The following VWDE variants were observed in gnomAD, a reference collection of about 807,000 sequenced individuals.
VWDE encodes the protein von Willebrand factor D and EGF domain-containing protein.
VWDE carries 207 observed loss-of-function variants against 178.4 expected under a neutral mutation model. That is an observed-to-expected ratio of 1.16 (90% CI 1.04 to 1.30). The LOEUF (loss-of-function observed/expected upper bound fraction) is 1.30, where lower values mean the gene tolerates loss of function less well. Ranked by LOEUF, VWDE falls within the 50% of genes most tolerant of loss-of-function variation. VWDE has a pLI of 0.00. For missense variants in VWDE, 2,287 were observed against 1,901.3 expected, an observed-to-expected ratio of 1.20 and a Z score of -3.77; for synonymous variants, 738 against 651.4, an observed-to-expected ratio of 1.13 and a Z score of -2.02.
Position 12,370,420 on chromosome 7 carries a change from G to A in VWDE, c.1886C>T (p.Thr629Ile). 1 of 1,546,446 alleles carries A rather than the reference G, an allele frequency of 6.5e-7. No homozygotes were observed. The highest frequency in any genetic ancestry group is 8.7e-7 in the Non-Finnish European group (1 of 1,146,784). ...KPSYCSCSLD[T>I]AAYPSSEDLD... is the part of the protein sequence containing the mutation. ...ATCTTCGGAAGACGGATACGCTGCAGTGTCCAATGAACAGCTACAATAGGA... is the reference window on the plus strand; with the variant it reads ...ATCTTCGGAAGACGGATACGCTGCAATGTCCAATGAACAGCTACAATAGGA... Residue 629 changes from threonine to isoleucine, a missense_variant, in exon 12 of 29, where the codon ACT (threonine) becomes ATT (isoleucine). Physicochemically the swap from Thr to Ile is moderately conservative, Grantham distance 89 (BLOSUM62 -1). Coordinates refer to ENST00000275358, the MANE Select transcript of VWDE (RefSeq NM_001135924.3).
At chr7:12,373,725 T>C (rs1166508594) in intron 9 of VWDE, among the ~76,000 whole-genome samples, 1 of 152,002 alleles carries the variant, frequency 6.6e-6, no homozygotes, top group Non-Finnish European at 1.5e-5. Flanking sequence ...GGGTAGAGAG[T>C]GTTTGTTTTG....
rs868630371 is a variant in VWDE at position 12,356,293 on chromosome 7, G to T, written c.3563C>A (p.Ser1188Ter). 1 of 1,551,264 alleles carries T rather than the reference G, an allele frequency of 6.4e-7. No homozygotes were observed. The highest frequency in any genetic ancestry group is 2.0e-5 in the Admixed American group (1 of 50,976). The change falls in exon 18 of 29, where the codon TCA (serine) becomes TAA (stop). Residue 1188 changes from serine (S) to a stop codon, truncating the protein, a stop_gained. Coordinates refer to ENST00000275358, the MANE Select transcript of VWDE (RefSeq NM_001135924.3). LOFTEE classifies it high-confidence loss of function. ...VKSCDCLNGG[S>*]CVSDRNFSPG... ...AGAAAAGTTCCTATCAGATACACAT[G>T]ATCCACCATTCAAGCAATCACAAGA... is the stretch of plus-strand genomic sequence containing the variant.
chr7:12,356,319 C>A lies in VWDE; in HGVS notation c.3537G>T (p.Lys1179Asn). 6.4e-7 allele frequency: 1 copy of A among 1,551,106 alleles called. No individual in the cohort carries two copies. The highest frequency in any genetic ancestry group is 8.7e-7 in the Non-Finnish European group (1 of 1,146,800). ...ATCCACCATTCAAGCAATCACAAGA[C>A]TTCACAGTCACCTACAAAACAAAAA... ...ETRVTIEVTV[K>N]SCDCLNGGSC... The change falls in exon 18 of 29, where the codon AAG becomes AAT. Residue 1179 changes from lysine to asparagine, a missense_variant. By Grantham distance (94) the Lys-to-Asn change is moderately conservative. Transcript: ENST00000275358.
rs1489051509 is a variant in VWDE, at chr7:12,342,107, C to G, written c.4222G>C (p.Asp1408His). 7.1e-6 allele frequency: 11 copies of G among 1,551,412 alleles called. No individual in the cohort carries two copies. The highest frequency in any genetic ancestry group is 1.7e-6 in the Non-Finnish European group (2 of 1,146,906). ...CAGCCAGGTTTGCACTGGCAAATATCTGGTGTAAGACACTGGCCTCCATTT... is the reference window on the plus strand; with the variant it reads ...CAGCCAGGTTTGCACTGGCAAATATGTGGTGTAAGACACTGGCCTCCATTT... ...CENGGQCLTP[D>H]ICQCKPGWYG... The change falls in exon 23 of 29, where the codon GAT becomes CAT. Residue 1408 changes from aspartate (D) to histidine (H), a missense_variant. Asp to His is a moderately conservative substitution (Grantham distance 81). Transcript: ENST00000275358.
chr7:12,354,144 C>G, intron 18 of VWDE: 1 of 225,240 alleles, frequency 4.4e-6, no homozygotes, highest in Non-Finnish European at 8.8e-6. Context: ...TCTGTAATTA[C>G]TAGTCATATT....
intron 2 of VWDE, among the ~76,000 whole-genome samples, chr7:12,391,267 T>TA (rs1346691897): frequency 6.6e-6 from 1 of 152,220 alleles, no homozygotes; most frequent in African/African-American, 2.4e-5. Flanking sequence ...ATGTAATGCA[T>TA]AAGCATTATT....
intron 19 of VWDE, among the ~76,000 whole-genome samples, chr7:12,349,899 G>A (rs1362414043): frequency 6.6e-6 from 1 of 151,880 alleles, no homozygotes; most frequent in African/African-American, 2.4e-5. Context: ...TTGTATACAA[G>A]AATTTGAAAT....
Position 12,370,056 on chromosome 7 carries a change from C to T in VWDE, c.2250G>A (p.Trp750Ter). The change falls in exon 12 of 29, where the codon TGG becomes TGA. Residue 750 changes from tryptophan to a stop codon, truncating the protein, a stop_gained. Transcript: ENST00000275358. LOFTEE classifies it high-confidence loss of function. ...GAAACTCATGAAAGTTCTGCCGTTT[C>T]CATCTGTTTTGTCGATTGTACCTCA... ...QEMRYNRQNRWKRQNFHEFPP... is the reference protein window; with the variant it reads ...QEMRYNRQNR 6.4e-7 allele frequency: 1 copy of T among 1,551,532 alleles called. No individual in the cohort carries two copies. Among genetic ancestry groups the T allele is most frequent in the Non-Finnish European group, 8.7e-7 (1 of 1,146,900 alleles).
intron 18 of VWDE, among the ~76,000 whole-genome samples, chr7:12,352,033 G>A (rs998043656): frequency 2.0e-5 from 3 of 152,118 alleles, no homozygotes; most frequent in Non-Finnish European, 2.9e-5. Context: ...AAAACAGGAA[G>A]AGATACCACA....
intron 22 of VWDE, 38 bp downstream of exon 22, chr7:12,343,045 A>C (rs375861928): frequency 4.8e-6 from 7 of 1,444,894 alleles, no homozygotes; most frequent in Non-Finnish European, 6.6e-6. Context: ...TCAAAGAAGC[A>C]GTTTCATTAT....
At chr7:12,376,083 T>C (rs951806501) in intron 7 of VWDE, among the ~76,000 whole-genome samples, 15 of 152,112 alleles carry the variant, frequency 9.9e-5, no homozygotes, top group African/African-American at 3.6e-4. Context: ...TAATCAGATA[T>C]AGGCATACTG....
chr7:12,351,155 G>A (rs552624050), intron 19 of VWDE, among the ~76,000 whole-genome samples: 1 of 152,236 alleles, frequency 6.6e-6, no homozygotes, highest in East Asian at 1.9e-4. Flanking sequence ...ACTTTATGAA[G>A]ACAATCACAG....
chr7:12,388,746 A>G (rs979337799), intron 3 of VWDE: 2 of 340,472 alleles, frequency 5.9e-6, no homozygotes, highest in Admixed American at 8.1e-5. Context: ...CATTCAATAA[A>G]TATTGGTGAA....
intron 27 of VWDE, among the ~76,000 whole-genome samples, chr7:12,335,684 T>C (rs1265652594): frequency 6.6e-6 from 1 of 152,194 alleles, no homozygotes; most frequent in Non-Finnish European, 1.5e-5. Context: ...CTCGATCTCC[T>C]GACCTGGTGA....
rs983522492 is a variant in VWDE at position 12,344,468 on chromosome 7, G to A, written c.3888C>T (p.Thr1296=). ...TTTTTCCACATGGATATTTACAAAT[G>A]GCTAAAAAAAAATCAAAGAAAAAAA... is the stretch of plus-strand genomic sequence containing the variant. ...HVKPTSGNAF[T]ICKYPCGKSR... is the part of the protein sequence containing the mutation. The change falls in exon 20 of 29, where the codon ACC becomes ACT. Residue 1296 remains threonine, a splice_region_variant and synonymous_variant. Coordinates refer to ENST00000275358, the MANE Select transcript of VWDE (RefSeq NM_001135924.3). 10 of 1,543,866 alleles carry A rather than the reference G, an allele frequency of 6.5e-6. No homozygotes were observed. Among genetic ancestry groups the A allele is most frequent in the Admixed American group, 2.0e-5 (1 of 49,608 alleles).
chr7:12,399,115 C>T (rs1784760358), intron 1 of VWDE, among the ~76,000 whole-genome samples: 1 of 151,982 alleles, frequency 6.6e-6, no homozygotes, highest in Non-Finnish European at 1.5e-5. Flanking sequence ...GGTTGAAAAG[C>T]AAGGGAAAAT....
intron 27 of VWDE, among the ~76,000 whole-genome samples, chr7:12,334,379 G>A (rs765861166): frequency 3.9e-5 from 6 of 152,022 alleles, no homozygotes; most frequent in Non-Finnish European, 7.4e-5. Context: ...GACAAATACT[G>A]CTTCAATATC....
rs1166531332 is a variant in VWDE, at chr7:12,359,659, C to T, written c.3193G>A (p.Val1065Ile). The T allele has an allele frequency of 3.2e-6, 5 of 1,549,548 alleles. No individual in the cohort carries two copies. Among genetic ancestry groups the T allele is most frequent in the African/African-American group, 2.7e-5 (2 of 72,860 alleles). The stretch of plus-strand genomic sequence containing the variant: ...CTGGTTGGATTTTTGTCTCCTTCAA[C>T]ATAGCAGAGTCCATCAATAATGCAA... ...NVCIIDGLCY[V>I]EGDKNPTSPC... is the part of the protein sequence containing the mutation. Residue 1065 changes from valine (V) to isoleucine (I), a missense_variant, in exon 16 of 29, where the codon GTT becomes ATT. By Grantham distance (29) the Val-to-Ile change is conservative. Transcript: ENST00000275358.
Position 12,389,214 on chromosome 7 carries a change from G to C in VWDE, c.388C>G (p.Gln130Glu), listed in dbSNP as rs948474538. ...CAGTTTCTTACAGACACTGGGATTTGAAAGAGACAGCAGTCTTTTGTAGTG... is the reference window on the plus strand; with the variant it reads ...CAGTTTCTTACAGACACTGGGATTTCAAAGAGACAGCAGTCTTTTGTAGTG... Reference protein sequence around the residue: ...FSTTKDCCLFQIPVSVRNCGN... With the variant: ...FSTTKDCCLFEIPVSVRNCGN... The change falls in exon 3 of 29, where the codon CAA becomes GAA. Residue 130 changes from glutamine to glutamate, a missense_variant. Gln to Glu is a conservative substitution (Grantham distance 29, BLOSUM62 2). Transcript: ENST00000275358. 2.6e-6 allele frequency: 4 copies of C among 1,551,770 alleles called. No individual in the cohort carries two copies. Among genetic ancestry groups the C allele is most frequent in the Non-Finnish European group, 3.5e-6 (4 of 1,147,006 alleles).
Sources: gnomAD v4.1 joint callset for allele counts (sites outside exome capture counted in the v4.1 genomes callset) on GRCh38, gnomAD v4.1.1 for gene constraint, MANE v1.5 for transcripts, NCBI Gene and HGNC (gene_info 2026-07-23, HGNC 2026-07-21) for gene names.